Variants in TNFRSF13C observed in about 807,000 individuals in gnomAD.
TNFRSF13C encodes the protein tumor necrosis factor receptor superfamily member 13C.
A neutral mutation model predicts 12.1 loss-of-function variants in TNFRSF13C; 7 were observed. That is an observed-to-expected ratio of 0.58 (90% CI 0.33 to 1.08). TNFRSF13C has a LOEUF of 1.08. Among genes scored for constraint, TNFRSF13C ranks in the 50% least tolerant of loss-of-function variants. The probability of loss-of-function intolerance (pLI) is 0.04; values close to 1 mark genes in which losing one functional copy is unlikely to be tolerated. For missense variants in TNFRSF13C, 260 were observed against 265.9 expected, an observed-to-expected ratio of 0.98 and a Z score of 0.15; for synonymous variants, 157 against 130.8, an observed-to-expected ratio of 1.20 and a Z score of -1.37.
At chr22:41,925,666 G>T in intron 2 of TNFRSF13C, 112 bp from the exon 3 acceptor site, 2 of 1,359,692 alleles carry the variant, frequency 1.5e-6, no homozygotes, top group East Asian at 2.4e-5. Flanking sequence ...ATGCAGGGTG[G>T]GGAGGGGTGG....
intron 2 of TNFRSF13C, 117 bp downstream of exon 2, chr22:41,925,984 C>T (rs2077627127): frequency 1.4e-6 from 2 of 1,382,520 alleles, no homozygotes; most frequent in Admixed American, 1.9e-5. Flanking sequence ...ACTCTGTCTC[C>T]GTTTCCCCTT....
Position 41,925,232 on chromosome 22 carries a change from T to A in TNFRSF13C, c.*135A>T. Reference sequence around the variant, plus strand: ...GGGCTGAATGCTGTGGTCTGTAGTGTCTGTGCTTCTGCAGAGTTAGCCTGG... The same window carrying A: ...GGGCTGAATGCTGTGGTCTGTAGTGACTGTGCTTCTGCAGAGTTAGCCTGG... On this transcript the variant is annotated 3_prime_UTR_variant, in exon 3 of 3. Transcript: ENST00000291232. 1 of 971,412 alleles carries A rather than the reference T, an allele frequency of 1.0e-6. No homozygotes were observed. The highest frequency in any genetic ancestry group is 1.5e-6 in the Non-Finnish European group (1 of 670,354). The allele number at this position is 971,412 out of a possible 1,614,324, so 60.2% of individuals were successfully genotyped here.
At position 41,924,188 on chromosome 22, in the gene TNFRSF13C, C is replaced by CG. The variant is rs2146587202; in HGVS notation, c.*1178_*1179insC. ...CCTGGGCAACATACCGAGACCCTGT[C>CG]TTTAAAAAAAAAAAAAGGCCAGCCA... On this transcript the variant is annotated 3_prime_UTR_variant, in exon 3 of 3. Transcript: ENST00000291232. 1 of 87,494 alleles carries CG rather than the reference C, an allele frequency of 1.1e-5. No homozygotes were observed. Among genetic ancestry groups the CG allele is most frequent in the African/African-American group, 9.7e-5 (1 of 10,276 alleles). 5.4% of individuals were successfully genotyped at this position (87,494 alleles called of 1,614,324 possible). A position where few individuals can be genotyped will look rare whatever the true frequency, so the allele number is the denominator to read the frequency against.
In TNFRSF13C at chr22:41,926,313, G is replaced by A; in HGVS notation, c.155C>T (p.Ala52Val). ...RPKPAGASSP[A>V]PRTALQPQES... ...CTGCGGCTGCAGCGCCGTCCTGGGCGCAGGGCTGCTGGCCCCGGCTGCTTC... is the reference window on the plus strand; with the variant it reads ...CTGCGGCTGCAGCGCCGTCCTGGGCACAGGGCTGCTGGCCCCGGCTGCTTC... Residue 52 changes from alanine (A) to valine (V), a missense_variant, in exon 2 of 3, where the codon GCG becomes GTG. By Grantham distance (64) the Ala-to-Val change is moderately conservative. Transcript: ENST00000291232. This position sits in a 1 kb window ranked among gnomAD's most constrained non-coding sequence, Gnocchi z 4.9. 4 of 1,442,934 alleles carry A rather than the reference G, an allele frequency of 2.8e-6. No individual in the cohort carries two copies. Among genetic ancestry groups the A allele is most frequent in the Admixed American group, 2.8e-5 (1 of 36,086 alleles). The allele number at this position is 1,442,934 out of a possible 1,614,324, so 89.4% of individuals were successfully genotyped here. A position where few individuals can be genotyped will look rare whatever the true frequency, so the allele number is the denominator to read the frequency against.
chr22:41,926,428 G>A lies in TNFRSF13C; in HGVS notation c.137-97C>T. On this transcript the variant is annotated intron_variant, in intron 1 of 2. Coordinates refer to ENST00000291232, the MANE Select transcript of TNFRSF13C (RefSeq NM_052945.4). This position sits in a 1 kb window ranked among gnomAD's most constrained non-coding sequence, Gnocchi z 4.9. Reference sequence around the variant, plus strand: ...GAGGGGGGCGAGGCTGGCCGGGGAGGGGAGGGACAGCCGGGGGGCGGTGGA... The same window carrying A: ...GAGGGGGGCGAGGCTGGCCGGGGAGAGGAGGGACAGCCGGGGGGCGGTGGA... 2 of 1,118,324 alleles carry A rather than the reference G, an allele frequency of 1.8e-6. No homozygotes were observed. The highest frequency in any genetic ancestry group is 3.2e-5 in the East Asian group (1 of 31,044). The allele number at this position is 1,118,324 out of a possible 1,614,324, so 69.3% of individuals were successfully genotyped here.
In TNFRSF13C at chr22:41,922,925, G is replaced by A. The variant is rs1452965008; in HGVS notation, c.*2442C>T. 1 of 152,490 alleles carries A rather than the reference G, an allele frequency of 6.6e-6. No homozygotes were observed. The highest frequency in any genetic ancestry group is 2.4e-5 in the African/African-American group (1 of 41,452). 9.4% of individuals were successfully genotyped at this position (152,490 alleles called of 1,614,324 possible). A position where few individuals can be genotyped will look rare whatever the true frequency, so the allele number is the denominator to read the frequency against. On this transcript the variant is annotated 3_prime_UTR_variant, in exon 3 of 3. Coordinates refer to ENST00000291232, the MANE Select transcript of TNFRSF13C (RefSeq NM_052945.4). Reference sequence around the variant, plus strand: ...GGGAGTGGATGGCTGGGCCCATGTGGGCCTGACCCCACCAAACCTCTCCCA... The same window carrying A: ...GGGAGTGGATGGCTGGGCCCATGTGAGCCTGACCCCACCAAACCTCTCCCA...
Position 41,925,552 on chromosome 22 carries a change from G to C in TNFRSF13C, c.370C>G (p.Pro124Ala). The change falls in exon 3 of 3, where the codon CCA (proline) becomes GCA (alanine). Residue 124 changes from proline to alanine, a missense_variant and splice_region_variant. Physicochemically the swap from Pro to Ala is conservative, Grantham distance 27 (BLOSUM62 -1). Transcript: ENST00000291232. ...AEAPDGDKDA[P>A]EPLDKVIILS... ...ATGATGACCTTGTCCAGGGGCTCTGGGGCTGCAGGCAGAGGGGGTAGAGGC... is the reference window on the plus strand; with the variant it reads ...ATGATGACCTTGTCCAGGGGCTCTGCGGCTGCAGGCAGAGGGGGTAGAGGC... 1 of 1,612,550 alleles carries C rather than the reference G, an allele frequency of 6.2e-7. No homozygotes were observed. The highest frequency in any genetic ancestry group is 8.5e-7 in the Non-Finnish European group (1 of 1,179,972).
At position 41,926,213 on chromosome 22, in the gene TNFRSF13C, C is replaced by T; in HGVS notation, c.255G>A (p.Leu85=). The change falls in exon 2 of 3, where the codon CTG becomes CTA. Residue 85 remains leucine, a synonymous_variant. Coordinates refer to ENST00000291232, the MANE Select transcript of TNFRSF13C (RefSeq NM_052945.4). This position sits in a 1 kb window ranked among gnomAD's most constrained non-coding sequence, Gnocchi z 4.9. The part of the protein sequence containing the change: ...PGLLFGAPAL[L]GLALVLALVL... ...CCAGCGCCAGGACCAGTGCCAGGCC[C>T]AGCAGCGCGGGGGCGCCAAAGAGCA... 1 of 1,602,152 alleles carries T rather than the reference C, an allele frequency of 6.2e-7. No homozygotes were observed. The highest frequency in any genetic ancestry group is 8.5e-7 in the Non-Finnish European group (1 of 1,177,330).
Position 41,926,117 on chromosome 22 carries a change from G to T in TNFRSF13C, c.351C>A (p.Pro117=), listed in dbSNP as rs577781803. ...GGAACTCACCGTCCTTGTCTCCGTCGGGGGCCTCTGCGGAGGACGCGCCGC... is the reference window on the plus strand; with the variant it reads ...GGAACTCACCGTCCTTGTCTCCGTCTGGGGCCTCTGCGGAGGACGCGCCGC... The part of the protein sequence containing the change: ...RLRGASSAEA[P]DGDKDAPEPL... The change falls in exon 2 of 3, where the codon CCC becomes CCA. Residue 117 remains proline (P), a synonymous_variant. Coordinates refer to ENST00000291232, the MANE Select transcript of TNFRSF13C (RefSeq NM_052945.4). This position sits in a 1 kb window ranked among gnomAD's most constrained non-coding sequence, Gnocchi z 4.9. 1.9e-6 allele frequency: 3 copies of T among 1,612,332 alleles called. No individual in the cohort carries two copies. The highest frequency in any genetic ancestry group is 2.2e-5 in the East Asian group (1 of 44,860).
rs774179092 is a variant in TNFRSF13C at position 41,926,246 on chromosome 22, C to T, written c.222G>A (p.Leu74=). ...CGGGGGCGCCAAAGAGCAGCCCGGG[C>T]AGGGGCAGCGCCGCCTCGCCGGCCC... The part of the protein sequence containing the change: ...GAGAGEAALP[L]PGLLFGAPAL... The change falls in exon 2 of 3, where the codon CTG becomes CTA. Residue 74 remains leucine (L), a synonymous_variant. Coordinates refer to ENST00000291232, the MANE Select transcript of TNFRSF13C (RefSeq NM_052945.4). The surrounding 1 kb of genome is among the most constrained non-coding windows in gnomAD (Gnocchi z 4.9). 4 of 1,545,662 alleles carry T rather than the reference C, an allele frequency of 2.6e-6. No homozygotes were observed. The South Asian group carries it at 3.5e-5, about 14-fold the overall frequency.
At chr22:41,925,794 C>T (rs529282092) in intron 2 of TNFRSF13C, among the ~76,000 whole-genome samples, 1 of 152,196 alleles carries the variant, frequency 6.6e-6, no homozygotes, top group South Asian at 2.1e-4. Context: ...AACCAAGCTC[C>T]GTTAGACTCC....
Position 41,925,016 on chromosome 22 carries a change from G to T in TNFRSF13C, c.*351C>A. 1 of 180,688 alleles carries T rather than the reference G, an allele frequency of 5.5e-6. No homozygotes were observed. The highest frequency in any genetic ancestry group is 1.1e-5 in the Non-Finnish European group (1 of 89,692). The allele number at this position is 180,688 out of a possible 1,614,324, so 11.2% of individuals were successfully genotyped here. ...CAAAAAACCACCCAACTACAAATTA[G>T]GCATCCTCCCACTTGGTCTTTTTTC... On this transcript the variant is annotated 3_prime_UTR_variant, in exon 3 of 3. Transcript: ENST00000291232.
In TNFRSF13C at chr22:41,926,546, C is replaced by G; in HGVS notation, c.136+92G>C. On this transcript the variant is annotated intron_variant, in intron 1 of 2. Transcript: ENST00000291232. The surrounding 1 kb of genome is among the most constrained non-coding windows in gnomAD (Gnocchi z 4.9). The stretch of plus-strand genomic sequence containing the variant: ...CAGGGTCCTTTCAGCCCTCGGCGCC[C>G]CCGGGGGTCGGGGCTCTGCCTGCGC... The G allele has an allele frequency of 7.6e-7, 1 of 1,314,958 alleles. No homozygotes were observed. Among genetic ancestry groups the G allele is most frequent in the Non-Finnish European group, 9.7e-7 (1 of 1,033,996 alleles). The allele number at this position is 1,314,958 out of a possible 1,614,324, so 81.5% of individuals were successfully genotyped here. A position where few individuals can be genotyped will look rare whatever the true frequency, so the allele number is the denominator to read the frequency against.
chr22:41,926,015 A>AG lies in TNFRSF13C; in HGVS notation c.367+85dup. ...CCCTTAAAGCCCTTCTCTCCCCCTC[A>AG]GGGGCCATGCATCTCCCCCTAGACC... On this transcript the variant is annotated intron_variant, in intron 2 of 2. Transcript: ENST00000291232. This position sits in a 1 kb window ranked among gnomAD's most constrained non-coding sequence, Gnocchi z 4.9. 6.5e-7 allele frequency: 1 copy of AG among 1,547,464 alleles called. No homozygotes were observed. Among genetic ancestry groups the AG allele is most frequent in the South Asian group, 1.1e-5 (1 of 87,912 alleles).
rs1172168027 is a variant in TNFRSF13C at position 41,924,500 on chromosome 22, A to AC, written c.*866_*867insG. On this transcript the variant is annotated 3_prime_UTR_variant, in exon 3 of 3. Coordinates refer to ENST00000291232, the MANE Select transcript of TNFRSF13C (RefSeq NM_052945.4). Reference sequence around the variant, plus strand: ...GAGACTCTGTCTCAAAAAAAAAAAAAAAAAAAAAATTAGCTGGGCAAGGTG... The same window carrying AC: ...GAGACTCTGTCTCAAAAAAAAAAAAACAAAAAAAAATTAGCTGGGCAAGGTG... 2.0e-5 allele frequency: 3 copies of AC among 151,454 alleles called. No individual in the cohort carries two copies. The highest frequency in any genetic ancestry group is 4.4e-5 in the Non-Finnish European group (3 of 67,942). 9.4% of individuals were successfully genotyped at this position (151,454 alleles called of 1,614,324 possible).
chr22:41,926,597 CCGCAGCTGCCGG>C lies in TNFRSF13C; in HGVS notation c.136+29_136+40del, dbSNP rs910593581. 4 of 1,405,656 alleles carry C rather than the reference CCGCAGCTGCCGG, an allele frequency of 2.8e-6. No individual in the cohort carries two copies. In the African/African-American group the frequency reaches 6.0e-5, roughly 21 times the overall value. 87.1% of individuals were successfully genotyped at this position (1,405,656 alleles called of 1,614,324 possible). Reference sequence around the variant, plus strand: ...CCTGGCGATCGGGGCCCCGTTCTCCCCGCAGCTGCCGGCGCCGCGCGCCCCGTGGGTCCCCCT... The same window carrying C: ...CCTGGCGATCGGGGCCCCGTTCTCCCCGCCGCGCGCCCCGTGGGTCCCCCT... On this transcript the variant is annotated intron_variant, in intron 1 of 2. Transcript: ENST00000291232. The surrounding 1 kb of genome is among the most constrained non-coding windows in gnomAD (Gnocchi z 4.9).
Position 41,923,553 on chromosome 22 carries a change from C to G in TNFRSF13C, c.*1814G>C, listed in dbSNP as rs1160024749. The stretch of plus-strand genomic sequence containing the variant: ...ACAGGATGGCCAAATAAGCCCAGCA[C>G]TGGGGGGCCAGTGCTTCAGGGGAAC... On this transcript the variant is annotated 3_prime_UTR_variant, in exon 3 of 3. Transcript: ENST00000291232. 6.6e-6 allele frequency: 1 copy of G among 152,352 alleles called. No individual in the cohort carries two copies. The highest frequency in any genetic ancestry group is 1.5e-5 in the Non-Finnish European group (1 of 68,176). The allele number at this position is 152,352 out of a possible 1,614,324, so 9.4% of individuals were successfully genotyped here.
Position 41,923,948 on chromosome 22 carries a change from C to A in TNFRSF13C, c.*1419G>T, listed in dbSNP as rs1461376345. On this transcript the variant is annotated 3_prime_UTR_variant, in exon 3 of 3. Transcript: ENST00000291232. The stretch of plus-strand genomic sequence containing the variant: ...GAGAATCAGCAAAATCCAGCTCAAT[C>A]TTTTCTCCTTTGTTATTTCTTAAAA... 2.6e-5 allele frequency: 4 copies of A among 152,238 alleles called. No homozygotes were observed. The highest frequency in any genetic ancestry group is 9.7e-5 in the African/African-American group (4 of 41,448). 9.4% of individuals were successfully genotyped at this position (152,238 alleles called of 1,614,324 possible). A position where few individuals can be genotyped will look rare whatever the true frequency, so the allele number is the denominator to read the frequency against.
chr22:41,926,597 C>T lies in TNFRSF13C; in HGVS notation c.136+41G>A. 7.1e-7 allele frequency: 1 copy of T among 1,405,764 alleles called. No individual in the cohort carries two copies. Among genetic ancestry groups the T allele is most frequent in the Non-Finnish European group, 9.2e-7 (1 of 1,083,726 alleles). 87.1% of individuals were successfully genotyped at this position (1,405,764 alleles called of 1,614,324 possible). ...CCTGGCGATCGGGGCCCCGTTCTCCCCGCAGCTGCCGGCGCCGCGCGCCCC... is the reference window on the plus strand; with the variant it reads ...CCTGGCGATCGGGGCCCCGTTCTCCTCGCAGCTGCCGGCGCCGCGCGCCCC... On this transcript the variant is annotated intron_variant, in intron 1 of 2. Transcript: ENST00000291232. The surrounding 1 kb of genome is among the most constrained non-coding windows in gnomAD (Gnocchi z 4.9).
Sources: gnomAD v4.1 joint callset for allele counts (sites outside exome capture counted in the v4.1 genomes callset) on GRCh38, gnomAD v4.1.1 for gene constraint, Gnocchi (gnomAD v3.1) non-coding constraint, MANE v1.5 for transcripts, NCBI Gene and HGNC (gene_info 2026-07-23, HGNC 2026-07-21) for gene names.